The following TULP4 variants were observed in gnomAD, a reference collection of about 807,000 sequenced individuals.
TULP4 encodes TUB like protein 4.
In TULP4, 16 loss-of-function variants were observed where a neutral mutation model predicts 129.0. The observed-to-expected ratio is 0.12, with a 90% CI of 0.08 to 0.19. The LOEUF is 0.19. Among genes scored for constraint, TULP4 ranks in the 10% least tolerant of loss-of-function variants. The pLI, the probability that TULP4 is intolerant of heterozygous loss-of-function variation, is 1.00. For missense variants in TULP4, 1,842 were observed against 2,059.1 expected, an observed-to-expected ratio of 0.89 and a Z score of 2.04; for synonymous variants, 998 against 854.0, an observed-to-expected ratio of 1.17 and a Z score of -2.94.
intron 1 of TULP4, among the ~76,000 whole-genome samples, chr6:158,349,625 T>TTCC (rs1780445722): frequency 2.0e-5 from 2 of 101,778 alleles, no homozygotes; most frequent in Admixed American, 1.1e-4. Flanking sequence ...CGCCCCTCAC[T>TTCC]TCCCAGACGG....
intron 1 of TULP4, among the ~76,000 whole-genome samples, chr6:158,304,432 T>C (rs1477110195): frequency 1.3e-5 from 2 of 152,194 alleles, no homozygotes; most frequent in Non-Finnish European, 2.9e-5. Flanking sequence ...GAAACAGGTT[T>C]GTTTCTAATA....
intron 1 of TULP4, among the ~76,000 whole-genome samples, chr6:158,297,461 C>T (rs547531426): frequency 4.6e-5 from 7 of 151,972 alleles, no homozygotes; most frequent in Admixed American, 2.0e-4. Context: ...CCTCAGCTTA[C>T]GAAGATAACG....
intron 1 of TULP4, chr6:158,242,261 G>C: frequency 6.4e-7 from 1 of 1,552,842 alleles, no homozygotes; most frequent in East Asian, 2.3e-5. Context: ...AGCTGGCCGT[G>C]GTCTATCAGT....
At position 158,449,055 on chromosome 6, in the gene TULP4, G is replaced by A; in HGVS notation, c.603G>A (p.Leu201=). ...VIVMDCHGRM[L]AHVLLHESDG... is the part of the protein sequence containing the mutation. ...TCATGGATTGCCACGGCAGAATGCT[G>A]GCCCACGTCCTCTTGCACGAGTCAG... The change falls in exon 4 of 14, where the codon CTG becomes CTA. Residue 201 remains leucine (L), a synonymous_variant. Coordinates refer to ENST00000367097, the MANE Select transcript of TULP4 (RefSeq NM_020245.5). The A allele has an allele frequency of 6.2e-7, 1 of 1,613,956 alleles. No homozygotes were observed. The highest frequency in any genetic ancestry group is 8.5e-7 in the Non-Finnish European group (1 of 1,179,884).
chr6:158,249,053 G>A (rs1156917088), intron 1 of TULP4, among the ~76,000 whole-genome samples: 1 of 148,460 alleles, frequency 6.7e-6, no homozygotes, highest in East Asian at 2.0e-4. Context: ...TGAGCCCAGG[G>A]AGGTCAAGGC....
intron 1 of TULP4, among the ~76,000 whole-genome samples, chr6:158,284,844 G>A (rs827855): frequency 0.064 from 9,765 of 152,270 alleles, 376 homozygotes; most frequent in East Asian, 0.093. Flanking sequence ...CTTGCCCGAG[G>A]TGTGAGCCTC....
At position 158,453,433 on chromosome 6, in the gene TULP4, G is replaced by A. The variant is rs1347497470; in HGVS notation, c.859+1165G>A. On this transcript the variant is annotated intron_variant, in intron 5 of 13. Transcript: ENST00000367097. ...CGAGAGGCAGAGCTTGCAGTAAGCC[G>A]AGATCACGCCACTGCACTCCAGCCT... Among the ~76,000 whole-genome samples, 62 of 132,480 alleles carry A rather than the reference G, an allele frequency of 4.7e-4. 1 individual carries two copies. Among genetic ancestry groups the A allele is most frequent in the African/African-American group, 1.6e-3 (53 of 34,184 alleles). The allele number at this position is 132,480 out of a possible 152,430, so 86.9% of individuals were successfully genotyped here.
chr6:158,234,903 C>A lies in TULP4; in HGVS notation n.68+2600C>A, dbSNP rs554523721. 3.5e-4 allele frequency among the ~76,000 whole-genome samples: 54 copies of A among 152,222 alleles called. 2 individuals carry two copies. In the South Asian group the frequency reaches 5.2e-3, roughly 15 times the overall value. ...TCATCCTGGCTGGGTGTGGTGGCTC[C>A]CGCCTATAATCCCAGTACTTTGGGA... On this transcript the variant is annotated intron_variant and non_coding_transcript_variant, in intron 1 of 1. Coordinates refer to the TULP4 transcript ENST00000620026.
chr6:158,306,673 G>A (rs763513019), intron 1 of TULP4, among the ~76,000 whole-genome samples: 4 of 152,128 alleles, frequency 2.6e-5, no homozygotes, highest in Non-Finnish European at 5.9e-5. Flanking sequence ...ATTATTGAAG[G>A]TCCAAAGGAA....
At chr6:158,416,794 A>G (rs1353974292) in intron 2 of TULP4, among the ~76,000 whole-genome samples, 1 of 152,230 alleles carries the variant, frequency 6.6e-6, no homozygotes, top group Non-Finnish European at 1.5e-5. Flanking sequence ...TGCAAGCTCC[A>G]TTCATGGTAA....
intron 3 of TULP4, among the ~76,000 whole-genome samples, chr6:158,435,624 G>A (rs1169694832): frequency 1.3e-5 from 2 of 151,954 alleles, no homozygotes; most frequent in Non-Finnish European, 2.9e-5. Context: ...TGCCACAGCT[G>A]CATCAGCTCC....
chr6:158,429,219 A>G (rs1207335810), intron 2 of TULP4, among the ~76,000 whole-genome samples: 2 of 152,060 alleles, frequency 1.3e-5, no homozygotes, highest in Non-Finnish European at 2.9e-5. Context: ...GCTCACTGCA[A>G]CCTCTTCTTC....
intron 8 of TULP4, among the ~76,000 whole-genome samples, chr6:158,482,423 G>A (rs957109904): frequency 1.4e-3 from 215 of 152,260 alleles, no homozygotes; most frequent in South Asian, 2.1e-4. Flanking sequence ...ATATTAGTCC[G>A]TTTTTTCTGT....
Position 158,413,852 on chromosome 6 carries a change from C to T in TULP4, c.381+659C>T, listed in dbSNP as rs1742395282. 6.6e-6 allele frequency among the ~76,000 whole-genome samples: 1 copy of T among 152,208 alleles called. No homozygotes were observed. Among genetic ancestry groups the T allele is most frequent in the African/African-American group, 2.4e-5 (1 of 41,458 alleles). Reference sequence around the variant, plus strand: ...CACATTGGAGCAGGCAGCTCCCATCCTGGGGATTGTACAAAACTGGGACTT... The same window carrying T: ...CACATTGGAGCAGGCAGCTCCCATCTTGGGGATTGTACAAAACTGGGACTT... On this transcript the variant is annotated intron_variant, in intron 2 of 13. Transcript: ENST00000367097. This position sits in a 1 kb window ranked among gnomAD's most constrained non-coding sequence, Gnocchi z 4.9.
chr6:158,391,812 T>C (rs1777590308), intron 1 of TULP4, among the ~76,000 whole-genome samples: 1 of 145,402 alleles, frequency 6.9e-6, no homozygotes, highest in Non-Finnish European at 1.5e-5. Flanking sequence ...ATTTTACTTA[T>C]GGAGAGCCAC....
intron 8 of TULP4, among the ~76,000 whole-genome samples, chr6:158,485,632 G>A (rs552813111): frequency 2.0e-5 from 3 of 152,268 alleles, no homozygotes; most frequent in Non-Finnish European, 2.9e-5. Context: ...CAGCAGGCCA[G>A]ATGGCCTTTG....
intron 1 of TULP4, among the ~76,000 whole-genome samples, chr6:158,399,227 T>C (rs113049616): frequency 2.4e-4 from 36 of 152,360 alleles, no homozygotes; most frequent in African/African-American, 7.5e-4. Context: ...CTTATCTTGC[T>C]AACCCTTGGC....
intron 2 of TULP4, among the ~76,000 whole-genome samples, chr6:158,427,330 T>C (rs1778517969): frequency 6.6e-6 from 1 of 152,134 alleles, no homozygotes; most frequent in Admixed American, 6.5e-5. Context: ...GGGATTGACT[T>C]CTGGGGCGAG....
At chr6:158,284,006 C>T (rs1037945697) in intron 1 of TULP4, among the ~76,000 whole-genome samples, 6 of 152,154 alleles carry the variant, frequency 3.9e-5, no homozygotes, top group Non-Finnish European at 8.8e-5. Context: ...ACCATATATT[C>T]TGGAAAACTC....
Sources: allele counts gnomAD v4.1 joint callset (sites outside exome capture counted in the v4.1 genomes callset), GRCh38; gene constraint gnomAD v4.1.1; non-coding constraint Gnocchi (gnomAD v3.1); transcripts MANE v1.5; gene names NCBI Gene and HGNC (gene_info 2026-07-23, HGNC 2026-07-21).